Variants in CNTNAP5 observed in about 807,000 individuals in gnomAD.
CNTNAP5 encodes contactin-associated protein-like 5.
A neutral mutation model predicts 150.2 loss-of-function variants in CNTNAP5; 72 were observed. The ratio of observed to expected loss-of-function variants is 0.48; its 90% CI spans 0.40 to 0.58. CNTNAP5 has a LOEUF of 0.58. Among genes scored for constraint, CNTNAP5 ranks in the 20% least tolerant of loss-of-function variants. The pLI is 0.00. For synonymous variants in CNTNAP5, 672 were observed against 619.8 expected (o/e 1.08, Z -1.25); for missense variants, 1,636 against 1,626.2 (o/e 1.01, Z -0.10).
At chr2:124,765,073 T>A (rs529595463) in intron 16 of CNTNAP5, among the ~76,000 whole-genome samples, 3 of 152,258 alleles carry the variant, frequency 2.0e-5, no homozygotes, top group South Asian at 4.1e-4. Context: ...TTGTTTCATA[T>A]GAAGCAAGAG....
In CNTNAP5 at chr2:124,695,186, A is replaced by G. The variant is rs138861237; in HGVS notation, c.2077+47228A>G. 6.6e-3 allele frequency among the ~76,000 whole-genome samples: 1,008 copies of G among 152,308 alleles called. 9 individuals are homozygous for G. Among genetic ancestry groups the G allele is most frequent in the Non-Finnish European group, 0.011 (739 of 68,014 alleles). On this transcript the variant is annotated intron_variant, in intron 13 of 23. Transcript: ENST00000682447. ...TTTCTGTGGTGTGAATAATCGCACC[A>G]TGGCCAATCTTACCGTACCACCATG...
intron 3 of CNTNAP5, among the ~76,000 whole-genome samples, chr2:124,390,928 G>A (rs1401579731): frequency 6.6e-6 from 1 of 152,232 alleles, no homozygotes; most frequent in African/African-American, 2.4e-5. Context: ...AAGTATTTCT[G>A]TAAGGGAGAT....
chr2:124,483,507 G>A (rs1693804858), intron 7 of CNTNAP5, among the ~76,000 whole-genome samples: 2 of 152,218 alleles, frequency 1.3e-5, no homozygotes, highest in African/African-American at 4.8e-5. Context: ...AGAGTGGGTA[G>A]AGAAGGCTAC....
intron 3 of CNTNAP5, among the ~76,000 whole-genome samples, chr2:124,270,584 CTAAGTTTTTAAGGTTCTG>C (rs1687722720): frequency 6.6e-6 from 1 of 152,130 alleles, no homozygotes; most frequent in South Asian, 2.1e-4. Context: ...TTTGAGTTCT[CTAAGTTTTTAAGGTTCTG>C]TAAGTTTTTA....
intron 1 of CNTNAP5, among the ~76,000 whole-genome samples, chr2:124,146,457 TAAAG>T (rs1684257140): frequency 6.6e-6 from 1 of 151,976 alleles, no homozygotes; most frequent in African/African-American, 2.4e-5. Context: ...CTATCCTAAA[TAAAG>T]AGAGAGAAAT....
chr2:124,696,641 C>A (rs1275315771), intron 13 of CNTNAP5, among the ~76,000 whole-genome samples: 1 of 152,118 alleles, frequency 6.6e-6, no homozygotes, highest in Non-Finnish European at 1.5e-5. Context: ...TCAAATAAAT[C>A]AATGAACTTA....
At chr2:124,906,307 C>A (rs1678536046) in intron 22 of CNTNAP5, among the ~76,000 whole-genome samples, 1 of 152,038 alleles carries the variant, frequency 6.6e-6, no homozygotes, top group Non-Finnish European at 1.5e-5. Flanking sequence ...GATTTTGCTG[C>A]TAATATTGGT....
chr2:124,170,638 G>A (rs566216310), intron 1 of CNTNAP5, among the ~76,000 whole-genome samples: 1 of 152,356 alleles, frequency 6.6e-6, no homozygotes, highest in Admixed American at 6.5e-5. Flanking sequence ...GGGTAAGTGT[G>A]ATAGAGACAG....
At chr2:124,626,664 T>G (rs958689493) in intron 12 of CNTNAP5, among the ~76,000 whole-genome samples, 1 of 151,962 alleles carries the variant, frequency 6.6e-6, no homozygotes, top group Admixed American at 6.6e-5. Flanking sequence ...CTGCAAGAGT[T>G]TTTACATACA....
intron 13 of CNTNAP5, among the ~76,000 whole-genome samples, chr2:124,728,230 C>T (rs1389854852): frequency 2.0e-5 from 3 of 151,998 alleles, no homozygotes; most frequent in Non-Finnish European, 4.4e-5. Context: ...CTGTGTTCAT[C>T]AGCGATGTTG....
At chr2:124,766,713 C>T (rs1034241900) in intron 16 of CNTNAP5, among the ~76,000 whole-genome samples, 3 of 152,114 alleles carry the variant, frequency 2.0e-5, no homozygotes, top group East Asian at 1.9e-4. Flanking sequence ...AAAAATCAGG[C>T]CCCATGGCCT....
At chr2:124,665,925 C>G (rs903408934) in intron 13 of CNTNAP5, among the ~76,000 whole-genome samples, 3 of 151,888 alleles carry the variant, frequency 2.0e-5, no homozygotes, top group African/African-American at 7.3e-5. Flanking sequence ...GATACAGCAT[C>G]CCATTTAATG....
intron 3 of CNTNAP5, among the ~76,000 whole-genome samples, chr2:124,298,238 TA>T (rs1426382054): frequency 6.6e-6 from 1 of 152,158 alleles, no homozygotes; most frequent in Non-Finnish European, 1.5e-5. Flanking sequence ...AGGTTTGTTA[TA>T]CAGATTATTT....
At chr2:124,715,763 C>T (rs996767284) in intron 13 of CNTNAP5, among the ~76,000 whole-genome samples, 1 of 152,112 alleles carries the variant, frequency 6.6e-6, no homozygotes, top group African/African-American at 2.4e-5. Context: ...ACAATACTCT[C>T]CCGAAAATGC....
chr2:124,849,283 A>G (rs1212733633), intron 19 of CNTNAP5, among the ~76,000 whole-genome samples: 1 of 152,154 alleles, frequency 6.6e-6, no homozygotes, highest in Non-Finnish European at 1.5e-5. Flanking sequence ...TTAGTTGATC[A>G]CAAATGTATA....
intron 10 of CNTNAP5, among the ~76,000 whole-genome samples, chr2:124,532,567 G>C (rs1478246393): frequency 1.3e-5 from 2 of 152,144 alleles, no homozygotes; most frequent in African/African-American, 4.8e-5. Flanking sequence ...GGAAAAACAG[G>C]GATGCTGATG....
intron 13 of CNTNAP5, among the ~76,000 whole-genome samples, chr2:124,660,047 G>GAAGGAAGGAAGGAAGA (rs1384055245): frequency 1.3e-4 from 5 of 38,536 alleles, no homozygotes; most frequent in Admixed American, 5.9e-4. Context: ...AGGAAGAAAG[G>GAAGGAAGGAAGGAAGA]AAGGAAGGAA....
chr2:124,911,599 G>T, intron 23 of CNTNAP5, 61 bp downstream of exon 23: 1 of 1,322,930 alleles, frequency 7.6e-7, no homozygotes, highest in South Asian at 1.3e-5. Flanking sequence ...TCTGGAGAAA[G>T]TTATCTGAAG....
At chr2:124,329,639 A>C (rs1454773746) in intron 3 of CNTNAP5, among the ~76,000 whole-genome samples, 1 of 152,180 alleles carries the variant, frequency 6.6e-6, no homozygotes, top group Non-Finnish European at 1.5e-5. Context: ...AAGAAAAAAA[A>C]CATATATTTT....
Sources: gnomAD v4.1 joint callset for allele counts (sites outside exome capture counted in the v4.1 genomes callset) on GRCh38, gnomAD v4.1.1 for gene constraint, MANE v1.5 for transcripts, NCBI Gene and HGNC (gene_info 2026-07-23, HGNC 2026-07-21) for gene names.